Variants in DFFB observed in about 807,000 individuals in gnomAD.
DFFB encodes the protein DNA fragmentation factor 40 kDa subunit.
Under a neutral mutation model 32.7 loss-of-function variants are expected in DFFB, and 29 were observed. The observed-to-expected ratio is 0.89, with a 90% CI of 0.66 to 1.21. The LOEUF (loss-of-function observed/expected upper bound fraction) is 1.21. Ranked by LOEUF, DFFB falls within the 50% of genes most tolerant of loss-of-function variation. The pLI is 0.00. For synonymous variants in DFFB, 170 were observed against 177.1 expected (o/e 0.96, Z 0.32); for missense variants, 398 against 440.6 (o/e 0.90, Z 0.87).
rs1422790274 is a variant in DFFB at position 3,865,628 on chromosome 1, G to T, written c.242-184G>T. On this transcript the variant is annotated intron_variant, in intron 2 of 6. Coordinates refer to ENST00000378209, the MANE Select transcript of DFFB (RefSeq NM_004402.4). This position sits in a 1 kb window ranked among gnomAD's most constrained non-coding sequence, Gnocchi z 4.7. ...CCTCCTCTGTCCTCATGCCGCCCTT[G>T]TGCGTGGTCCCCAGCTGTTGGTGTC... 1.2e-6 allele frequency: 1 copy of T among 857,756 alleles called. No individual in the cohort carries two copies. Among genetic ancestry groups the T allele is most frequent in the Admixed American group, 1.9e-5 (1 of 52,526 alleles). 53.1% of individuals were successfully genotyped at this position (857,756 alleles called of 1,614,324 possible).
chr1:3,865,574 TCTGTC>T lies in DFFB; in HGVS notation c.242-235_242-231del. On this transcript the variant is annotated intron_variant, in intron 2 of 6. Transcript: ENST00000378209. The surrounding 1 kb of genome is among the most constrained non-coding windows in gnomAD (Gnocchi z 4.7). ...GCGGCCGTCTCTTGGTGCGCTTTCA[TCTGTC>T]CTCTAAAGCACACCCTGCCCCTCCC... The T allele has an allele frequency of 1.6e-6, 1 of 639,972 alleles. No homozygotes were observed. The highest frequency in any genetic ancestry group is 2.8e-6 in the Non-Finnish European group (1 of 355,156). 39.6% of individuals were successfully genotyped at this position (639,972 alleles called of 1,614,324 possible).
In DFFB at chr1:3,865,802, TTGG is replaced by T. The variant is rs762775624; in HGVS notation, c.242-6_242-4del. 2.5e-6 allele frequency: 4 copies of T among 1,614,032 alleles called. No individual in the cohort carries two copies. The highest frequency in any genetic ancestry group is 3.4e-6 in the Non-Finnish European group (4 of 1,180,012). On this transcript the variant is annotated splice_region_variant and splice_polypyrimidine_tract_variant and intron_variant, in intron 2 of 6. Coordinates refer to ENST00000378209, the MANE Select transcript of DFFB (RefSeq NM_004402.4). This position sits in a 1 kb window ranked among gnomAD's most constrained non-coding sequence, Gnocchi z 4.7. ...GGACCGGCACCTTTTGTTTGTCCCA[TTGG>T]TGGCAGATGTGAGCGACATCAGGCG...
chr1:3,865,589 A>T lies in DFFB; in HGVS notation c.242-223A>T. The T allele has an allele frequency of 1.5e-6, 1 of 682,038 alleles. No homozygotes were observed. The highest frequency in any genetic ancestry group is 2.7e-5 in the East Asian group (1 of 36,780). 42.2% of individuals were successfully genotyped at this position (682,038 alleles called of 1,614,324 possible). Reference sequence around the variant, plus strand: ...TGCGCTTTCATCTGTCCTCTAAAGCACACCCTGCCCCTCCCTCCTCTGTCC... The same window carrying T: ...TGCGCTTTCATCTGTCCTCTAAAGCTCACCCTGCCCCTCCCTCCTCTGTCC... On this transcript the variant is annotated intron_variant, in intron 2 of 6. Coordinates refer to ENST00000378209, the MANE Select transcript of DFFB (RefSeq NM_004402.4). This position sits in a 1 kb window ranked among gnomAD's most constrained non-coding sequence, Gnocchi z 4.7.
In DFFB at chr1:3,866,005, G is replaced by A. The variant is rs764649530; in HGVS notation, c.430+5G>A. The stretch of plus-strand genomic sequence containing the variant: ...AGGACCCGCCGTGGTTTGAAGGTGC[G>A]TGGGGGCTGCAGCTGGCAGGGGAGA... On this transcript the variant is annotated splice_donor_5th_base_variant and intron_variant, in intron 3 of 6. Coordinates refer to ENST00000378209, the MANE Select transcript of DFFB (RefSeq NM_004402.4). The A allele has an allele frequency of 1.6e-5, 25 of 1,547,844 alleles. No homozygotes were observed. Among genetic ancestry groups the A allele is most frequent in the Admixed American group, 3.9e-5 (2 of 51,924 alleles).
In DFFB at chr1:3,865,562, G is replaced by T; in HGVS notation, c.242-250G>T. Reference sequence around the variant, plus strand: ...CCAAATGGGAAAGCGGCCGTCTCTTGGTGCGCTTTCATCTGTCCTCTAAAG... The same window carrying T: ...CCAAATGGGAAAGCGGCCGTCTCTTTGTGCGCTTTCATCTGTCCTCTAAAG... On this transcript the variant is annotated intron_variant, in intron 2 of 6. Transcript: ENST00000378209. This position sits in a 1 kb window ranked among gnomAD's most constrained non-coding sequence, Gnocchi z 4.7. 1.6e-6 allele frequency: 1 copy of T among 611,960 alleles called. No individual in the cohort carries two copies. 37.9% of individuals were successfully genotyped at this position (611,960 alleles called of 1,614,324 possible). A position where few individuals can be genotyped will look rare whatever the true frequency, so the allele number is the denominator to read the frequency against.
chr1:3,879,557 C>T (rs927408624), intron 6 of DFFB, among the ~76,000 whole-genome samples: 1 of 152,182 alleles, frequency 6.6e-6, no homozygotes, highest in Admixed American at 6.6e-5. Flanking sequence ...GTCTCTGCCA[C>T]GTGGGGACAC....
Position 3,865,865 on chromosome 1 carries a change from C to T in DFFB, c.295C>T (p.Leu99Phe), listed in dbSNP as rs750921231. 1 of 1,614,130 alleles carries T rather than the reference C, an allele frequency of 6.2e-7. No homozygotes were observed. Among genetic ancestry groups the T allele is most frequent in the South Asian group, 1.1e-5 (1 of 91,082 alleles). Residue 99 changes from leucine (L) to phenylalanine (F), a missense_variant, in exon 3 of 7, where the codon CTC (leucine) becomes TTC (phenylalanine). Coordinates refer to ENST00000378209, the MANE Select transcript of DFFB (RefSeq NM_004402.4). This position sits in a 1 kb window ranked among gnomAD's most constrained non-coding sequence, Gnocchi z 4.7. ...LSAFHEPQVG[L>F]IQAAQQLLCD... is the part of the protein sequence containing the mutation. ...TGCATTTCACGAGCCACAGGTGGGG[C>T]TCATCCAGGCCGCCCAGCAGCTGCT...
In DFFB at chr1:3,885,395, A is replaced by G. The variant is rs1638355039; in HGVS notation, c.*1654A>G. 1 of 152,226 alleles carries G rather than the reference A, an allele frequency of 6.6e-6. No individual in the cohort carries two copies. The highest frequency in any genetic ancestry group is 2.4e-5 in the African/African-American group (1 of 41,454). 9.4% of individuals were successfully genotyped at this position (152,226 alleles called of 1,614,324 possible). A position where few individuals can be genotyped will look rare whatever the true frequency, so the allele number is the denominator to read the frequency against. On this transcript the variant is annotated 3_prime_UTR_variant, in exon 7 of 7. Coordinates refer to ENST00000378209, the MANE Select transcript of DFFB (RefSeq NM_004402.4). ...TTTGAATTTTTACATTTGTTGTACA[A>G]TCAGGAAAAGCAATAAAGATTTTTC...
At chr1:3,861,353 A>AT (rs1460619561) in intron 2 of DFFB, among the ~76,000 whole-genome samples, 2 of 151,956 alleles carry the variant, frequency 1.3e-5, no homozygotes, top group Non-Finnish European at 2.9e-5. Flanking sequence ...CTGTGGAAAG[A>AT]TATTTTGTTT....
chr1:3,884,218 T>G lies in DFFB; in HGVS notation c.*477T>G. ...TCTTATACCTTCTGACAGCCCAACT[T>G]CCAGAGGACAGCTCTGGGGTACTCG... On this transcript the variant is annotated 3_prime_UTR_variant, in exon 7 of 7. Transcript: ENST00000378209. 5.3e-6 allele frequency: 1 copy of G among 189,680 alleles called. No homozygotes were observed. The highest frequency in any genetic ancestry group is 1.3e-4 in the East Asian group (1 of 7,592). 11.7% of individuals were successfully genotyped at this position (189,680 alleles called of 1,614,324 possible). A position where few individuals can be genotyped will look rare whatever the true frequency, so the allele number is the denominator to read the frequency against.
chr1:3,863,743 A>G (rs2124731282), intron 2 of DFFB, among the ~76,000 whole-genome samples: 1 of 152,238 alleles, frequency 6.6e-6, no homozygotes, highest in African/African-American at 2.4e-5. Context: ...CTGCACATAC[A>G]GTAGGGTTCC....
intron 4 of DFFB, among the ~76,000 whole-genome samples, chr1:3,869,112 T>G (rs528310960): frequency 1.1e-4 from 17 of 152,302 alleles, no homozygotes; most frequent in African/African-American, 4.1e-4. Flanking sequence ...CAGGCTGGAG[T>G]ACAGTGGTGC....
chr1:3,879,375 C>A (rs1645289740), intron 6 of DFFB, among the ~76,000 whole-genome samples: 1 of 152,178 alleles, frequency 6.6e-6, no homozygotes, highest in Non-Finnish European at 1.5e-5. Flanking sequence ...CTGGGACTTT[C>A]TGCTGTGGAC....
rs1644777933 is a variant in DFFB at position 3,857,750 on chromosome 1, G to C, written c.114+33G>C. 4 of 1,396,336 alleles carry C rather than the reference G, an allele frequency of 2.9e-6. No homozygotes were observed. The African/African-American group carries it at 4.5e-5, about 16-fold the overall frequency. The allele number at this position is 1,396,336 out of a possible 1,614,324, so 86.5% of individuals were successfully genotyped here. On this transcript the variant is annotated intron_variant, in intron 1 of 6. Coordinates refer to ENST00000378209, the MANE Select transcript of DFFB (RefSeq NM_004402.4). ...CTGGGCTAGGCGGGGACGGCCCGTCGGGGAGGCGTGTGGGGAGAATAGGAG... is the reference window on the plus strand; with the variant it reads ...CTGGGCTAGGCGGGGACGGCCCGTCCGGGAGGCGTGTGGGGAGAATAGGAG...
intron 4 of DFFB, among the ~76,000 whole-genome samples, chr1:3,868,686 C>T (rs112156027): frequency 0.026 from 1,826 of 71,092 alleles, 52 homozygotes; most frequent in Non-Finnish European, 0.03. Flanking sequence ...CACGCCACAC[C>T]ACACCAGGCC....
intron 6 of DFFB, among the ~76,000 whole-genome samples, chr1:3,878,194 C>T (rs905038215): frequency 3.3e-5 from 5 of 151,798 alleles, no homozygotes; most frequent in South Asian, 2.1e-4. Context: ...CTGTGTCGCC[C>T]GGGCTGGAGT....
intron 6 of DFFB, chr1:3,873,042 T>TA (rs1645152201): frequency 1.7e-6 from 2 of 1,191,614 alleles, no homozygotes; most frequent in Non-Finnish European, 1.1e-6. Flanking sequence ...TGGCCCAGGC[T>TA]AAAGTGCAGT....
intron 4 of DFFB, 102 bp from the exon 5 acceptor site, chr1:3,869,503 T>A (rs1318836938): frequency 1.6e-6 from 2 of 1,257,178 alleles, no homozygotes; most frequent in Non-Finnish European, 2.2e-6. Context: ...GGACTGGGCT[T>A]GGGCAGGGTC....
intron 2 of DFFB, among the ~76,000 whole-genome samples, chr1:3,861,772 G>A (rs2124727517): frequency 6.6e-6 from 1 of 152,320 alleles, no homozygotes; most frequent in East Asian, 1.9e-4. Context: ...TGCCTCTGGG[G>A]AGAATGCCCA....
Sources: allele counts gnomAD v4.1 joint callset (sites outside exome capture counted in the v4.1 genomes callset), GRCh38; gene constraint gnomAD v4.1.1; non-coding constraint Gnocchi (gnomAD v3.1); transcripts MANE v1.5; gene names NCBI Gene and HGNC (gene_info 2026-07-23, HGNC 2026-07-21).